Variants in KRT33A observed in about 807,000 individuals in gnomAD.
KRT33A encodes keratin, type I cuticular Ha3-I.
KRT33A carries 44 observed loss-of-function variants against 41.1 expected under a neutral mutation model. The observed-to-expected ratio is 1.07, with a 90% CI of 0.84 to 1.38. KRT33A has a LOEUF of 1.38. Among genes scored for constraint, KRT33A ranks in the 40% most tolerant of loss-of-function variants. The pLI is 0.00. For synonymous variants in KRT33A, 229 were observed against 227.8 expected, an observed-to-expected ratio of 1.01 and a Z score of -0.05; for missense variants, 536 against 518.5, an observed-to-expected ratio of 1.03 and a Z score of -0.33.
At chr17:41,347,243 T>C (rs772391636) in intron 3 of KRT33A, 21 bp from the exon 4 acceptor site, 1 of 1,579,478 alleles carries the variant, frequency 6.3e-7, no homozygotes, top group East Asian at 2.2e-5. Context: ...AAGGGCAAAA[T>C]TTTAAATTTC....
In KRT33A at chr17:41,349,343, C is replaced by G. The variant is rs756307278; in HGVS notation, c.431+3G>C. ...AACAGCAACACCCCGCTTGCCCACT[C>G]ACTTGGTCCTGAAGTCATCTGAGGC... is the stretch of plus-strand genomic sequence containing the variant. On this transcript the variant is annotated splice_donor_region_variant and intron_variant, in intron 2 of 6. Transcript: ENST00000007735. 6.2e-7 allele frequency: 1 copy of G among 1,613,906 alleles called. No homozygotes were observed. The highest frequency in any genetic ancestry group is 8.5e-7 in the Non-Finnish European group (1 of 1,179,840).
In KRT33A at chr17:41,347,117, A is replaced by T; in HGVS notation, c.694T>A (p.Tyr232Asn). ...CGGTTGGTTTCCACCAGGGCCTCAT[A>T]CTGACTCCTGGTCTCATTCAGGACC... The part of the protein sequence containing the change: ...NQVLNETRSQ[Y>N]EALVETNRRE... The change falls in exon 4 of 7, where the codon TAT becomes AAT. Residue 232 changes from tyrosine (Y) to asparagine (N), a missense_variant. Tyr to Asn is a moderately radical substitution (Grantham distance 143). Coordinates refer to ENST00000007735, the MANE Select transcript of KRT33A (RefSeq NM_004138.4). 1 of 1,614,138 alleles carries T rather than the reference A, an allele frequency of 6.2e-7. No individual in the cohort carries two copies. The highest frequency in any genetic ancestry group is 8.5e-7 in the Non-Finnish European group (1 of 1,180,016).
At chr17:41,350,183 G>A (rs1418262008) in intron 1 of KRT33A, among the ~76,000 whole-genome samples, 1 of 152,166 alleles carries the variant, frequency 6.6e-6, no homozygotes, top group Admixed American at 6.5e-5. Flanking sequence ...TTCAGAGGTA[G>A]TTTTTAATTA....
chr17:41,347,098 G>T lies in KRT33A; in HGVS notation c.713C>A (p.Thr238Asn), dbSNP rs760535179. 1 of 1,614,034 alleles carries T rather than the reference G, an allele frequency of 6.2e-7. No homozygotes were observed. Among genetic ancestry groups the T allele is most frequent in the African/African-American group, 1.3e-5 (1 of 74,920 alleles). The change falls in exon 4 of 7, where the codon ACC becomes AAC. Residue 238 changes from threonine to asparagine, a missense_variant. Transcript: ENST00000007735. ...TRSQYEALVETNRREVEQWFA... is the reference protein window; with the variant it reads ...TRSQYEALVENNRREVEQWFA... ...CCATTGCTCCACTTCCCTGCGGTTG[G>T]TTTCCACCAGGGCCTCATACTGACT...
At chr17:41,347,020 G>C in intron 4 of KRT33A, 41 bp downstream of exon 4, 4 of 1,611,530 alleles carry the variant, frequency 2.5e-6, no homozygotes, top group African/African-American at 1.3e-5. Flanking sequence ...GGGGCCCTGG[G>C]GGGCCTCGGG....
chr17:41,347,818 C>T (rs946843969), intron 3 of KRT33A, among the ~76,000 whole-genome samples: 1 of 152,238 alleles, frequency 6.6e-6, no homozygotes, highest in African/African-American at 2.4e-5. Context: ...CCACTTAATA[C>T]ATTGCTTCTA....
chr17:41,350,641 T>C lies in KRT33A; in HGVS notation c.127A>G (p.Asn43Asp), dbSNP rs774669639. 2.5e-5 allele frequency: 41 copies of C among 1,612,322 alleles called. No individual in the cohort carries two copies. Among genetic ancestry groups the C allele is most frequent in the Non-Finnish European group, 3.3e-5 (39 of 1,180,046 alleles). ...GAGCCCTCACAGAACCAGTTGCAGT[T>C]GCTCACATTGGCGGGGATGTTGCAG... ...GACNIPANVS[N>D]CNWFCEGSFN... The change falls in exon 1 of 7, where the codon AAC becomes GAC. Residue 43 changes from asparagine to aspartate, a missense_variant. Transcript: ENST00000007735.
In KRT33A at chr17:41,350,770, T is replaced by G; in HGVS notation, c.-3A>C. On this transcript the variant is annotated 5_prime_UTR_variant, in exon 1 of 7. Transcript: ENST00000007735. ...GGCAGGCCACAACTGTAAGACATGG[T>G]GCAGGGAGGGAGTGTCCAGCTGAAG... is the stretch of plus-strand genomic sequence containing the variant. 6.2e-7 allele frequency: 1 copy of G among 1,609,458 alleles called. No individual in the cohort carries two copies. The highest frequency in any genetic ancestry group is 8.5e-7 in the Non-Finnish European group (1 of 1,178,394).
At position 41,350,734 on chromosome 17, in the gene KRT33A, A is replaced by C. The variant is rs1212264165; in HGVS notation, c.34T>G (p.Cys12Gly). Reference sequence around the variant, plus strand: ...GGCCGGGAGGAGCAGCTGGTGCGGCAGCTCAGGCTGGGCAGGCCACAACTG... The same window carrying C: ...GGCCGGGAGGAGCAGCTGGTGCGGCCGCTCAGGCTGGGCAGGCCACAACTG... Reference protein sequence around the residue: ...SYSCGLPSLSCRTSCSSRPCV... With the variant: ...SYSCGLPSLSGRTSCSSRPCV... Residue 12 changes from cysteine to glycine, a missense_variant, in exon 1 of 7, where the codon TGC (cysteine) becomes GGC (glycine). Physicochemically the swap from Cys to Gly is radical, Grantham distance 159. Transcript: ENST00000007735. 1 of 1,611,806 alleles carries C rather than the reference A, an allele frequency of 6.2e-7. No homozygotes were observed. Among genetic ancestry groups the C allele is most frequent in the East Asian group, 2.2e-5 (1 of 44,876 alleles).
At chr17:41,346,755 G>A (rs888435625) in intron 5 of KRT33A, 87 bp from the exon 6 acceptor site, 9 of 1,609,280 alleles carry the variant, frequency 5.6e-6, no homozygotes, top group South Asian at 1.1e-5. Context: ...AGCTCCAAGA[G>A]CTAAGGAGAG....
At position 41,346,599 on chromosome 17, in the gene KRT33A, T is replaced by G; in HGVS notation, c.946A>C (p.Arg316=). The change falls in exon 6 of 7, where the codon AGA becomes CGA. Residue 316 remains arginine (R), a synonymous_variant. Coordinates refer to ENST00000007735, the MANE Select transcript of KRT33A (RefSeq NM_004138.4). Reference sequence around the variant, plus strand: ...TGGGACTCCACGTTGGTGATCAGTCTCTGCACCTGGGACAGCTGGGAGCTG... The same window carrying G: ...TGGGACTCCACGTTGGTGATCAGTCGCTGCACCTGGGACAGCTGGGAGCTG... ...RYSSQLSQVQ[R]LITNVESQLA... is the part of the protein sequence containing the mutation. The G allele has an allele frequency of 1.2e-6, 2 of 1,614,234 alleles. No individual in the cohort carries two copies. Among genetic ancestry groups the G allele is most frequent in the Non-Finnish European group, 1.7e-6 (2 of 1,180,050 alleles).
At chr17:41,349,314 A>T (rs1466000839) in intron 2 of KRT33A, 32 bp downstream of exon 2, 4 of 1,608,330 alleles carry the variant, frequency 2.5e-6, no homozygotes, top group Non-Finnish European at 3.4e-6. Flanking sequence ...AGAGAAGAGA[A>T]ATAAACAGCA....
chr17:41,346,312 T>C (rs2017415665), intron 6 of KRT33A, 76 bp from the exon 7 acceptor site: 3 of 1,571,602 alleles, frequency 1.9e-6, no homozygotes, highest in Non-Finnish European at 2.6e-6. Flanking sequence ...AAGGGCTTTG[T>C]GTAAGAATAT....
rs1486953368 is a variant in KRT33A at position 41,347,168 on chromosome 17, C to T, written c.643G>A (p.Ala215Thr). 1.3e-5 allele frequency: 21 copies of T among 1,614,036 alleles called. No individual in the cohort carries two copies. Among genetic ancestry groups the T allele is most frequent in the South Asian group, 3.3e-5 (3 of 91,084 alleles). The part of the protein sequence containing the change: ...LGDRLNVEVD[A>T]APTVDLNQVL... The stretch of plus-strand genomic sequence containing the variant: ...TGGTTCAGGTCCACAGTGGGAGCAG[C>T]GTCCACCTCCACGTTGAGGCGGTCT... Residue 215 changes from alanine to threonine, a missense_variant, in exon 4 of 7, where the codon GCT (alanine) becomes ACT (threonine). Transcript: ENST00000007735.
At chr17:41,346,731 C>A in intron 5 of KRT33A, 63 bp from the exon 6 acceptor site, 1 of 1,609,748 alleles carries the variant, frequency 6.2e-7, no homozygotes, top group Non-Finnish European at 8.5e-7. Context: ...CCATGGGGTT[C>A]CAAAGAACTC....
chr17:41,346,724 T>G (rs1245361198), intron 5 of KRT33A, 56 bp from the exon 6 acceptor site: 2 of 1,610,852 alleles, frequency 1.2e-6, no homozygotes, highest in Non-Finnish European at 1.7e-6. Context: ...GGTTCCTCCA[T>G]GGGGTTCCAA....
intron 2 of KRT33A, 93 bp downstream of exon 2, chr17:41,349,253 A>T: frequency 1.6e-6 from 2 of 1,212,288 alleles, no homozygotes; most frequent in South Asian, 1.3e-5. Flanking sequence ...TAGCTCAGTC[A>T]CTGTTTGTTT....
Position 41,349,370 on chromosome 17 carries a change from A to C in KRT33A, c.407T>G (p.Leu136Arg). The stretch of plus-strand genomic sequence containing the variant: ...CTTGGTCCTGAAGTCATCTGAGGCC[A>C]GCTTGGCATTGTCGATCTGCACCAC... ...RLVVQIDNAKLASDDFRTKYE... is the reference protein window; with the variant it reads ...RLVVQIDNAKRASDDFRTKYE... Residue 136 changes from leucine (L) to arginine (R), a missense_variant, in exon 2 of 7, where the codon CTG becomes CGG. By Grantham distance (102) the Leu-to-Arg change is moderately radical. Transcript: ENST00000007735. The C allele has an allele frequency of 6.2e-7, 1 of 1,614,158 alleles. No homozygotes were observed. Among genetic ancestry groups the C allele is most frequent in the Non-Finnish European group, 8.5e-7 (1 of 1,180,020 alleles).
At chr17:41,347,353 A>G (rs2017441747) in intron 3 of KRT33A, 131 bp from the exon 4 acceptor site, 3 of 1,124,480 alleles carry the variant, frequency 2.7e-6, no homozygotes. Context: ...GTCACTAACC[A>G]GGATCTATAT....
Sources: allele counts gnomAD v4.1 joint callset (sites outside exome capture counted in the v4.1 genomes callset), GRCh38; gene constraint gnomAD v4.1.1; transcripts MANE v1.5; gene names NCBI Gene and HGNC (gene_info 2026-07-23, HGNC 2026-07-21).